ABLIM1: variants seen among roughly 807,000 people sequenced by gnomAD.
ABLIM1 encodes actin binding LIM protein 1.
ABLIM1 carries 40 observed loss-of-function variants against 107.0 expected under a neutral mutation model. The ratio of observed to expected loss-of-function variants is 0.37; its 90% CI spans 0.29 to 0.49. The LOEUF (loss-of-function observed/expected upper bound fraction) is 0.49, where lower values mean the gene tolerates loss of function less well. Among genes scored for constraint, ABLIM1 ranks in the 20% least tolerant of loss-of-function variants. The probability of loss-of-function intolerance (pLI) is 0.97; values close to 1 mark genes in which losing one functional copy is unlikely to be tolerated. For synonymous variants in ABLIM1, 357 were observed against 357.3 expected (o/e 1.00, Z 0.01); for missense variants, 857 against 1,008.5 (o/e 0.85, Z 2.04).
rs549588412 is a variant in ABLIM1, at chr10:114,700,737, GA to G, written c.-213+67323del. ...GGCTGGAACAATTATATATCCCTGT[GA>G]AAAAAAAAAATTAACCTCAACCCCT... On this transcript the variant is annotated intron_variant, in intron 1 of 15. Transcript: ENST00000651092. Among the ~76,000 whole-genome samples, 474 of 145,912 alleles carry G rather than the reference GA, an allele frequency of 3.2e-3. 1 individual carries two copies. Among genetic ancestry groups the G allele is most frequent in the African/African-American group, 0.011 (446 of 40,092 alleles).
chr10:114,700,198 C>T (rs73371872), intron 1 of ABLIM1, among the ~76,000 whole-genome samples: 4,636 of 152,134 alleles, frequency 0.03, 233 homozygotes, highest in African/African-American at 0.1. Context: ...AGGATGCATT[C>T]GAGCATTATG....
At chr10:114,744,593 C>T (rs541984014) in intron 1 of ABLIM1, among the ~76,000 whole-genome samples, 2 of 152,176 alleles carry the variant, frequency 1.3e-5, no homozygotes, top group South Asian at 4.1e-4. Context: ...CTGCAGTGAA[C>T]CATGTTCATG....
Position 114,447,890 on chromosome 10 carries a change from A to G in ABLIM1, c.1725T>C (p.Phe575=), listed in dbSNP as rs760272473. The G allele has an allele frequency of 2.5e-6, 4 of 1,614,014 alleles. No individual in the cohort carries two copies. The East Asian group carries it at 8.9e-5, about 36-fold the overall frequency. Residue 575 remains phenylalanine (F), a synonymous_variant, in exon 15 of 23, where the codon TTT becomes TTC. Transcript: ENST00000533213. The part of the protein sequence containing the change: ...ETDHWPGPPS[F]AVVGPDMKRR... ...GTGACAGTTGCATACCTACGACAGC[A>G]AATGAGGGGGGACCAGGCCAGTGGT...
rs117636460 is a variant in ABLIM1 at position 114,479,765 on chromosome 10, T to C, written c.1042-5809A>G. Among the ~76,000 whole-genome samples, 836 of 152,338 alleles carry C rather than the reference T, an allele frequency of 5.5e-3. 6 individuals carry two copies. Among genetic ancestry groups the C allele is most frequent in the Middle Eastern group, 0.01 (3 of 294 alleles). ...GGTCATAAAATTACTTTTTAAAAAT[T>C]GAATGATTATTTTTGGACTTTTAAT... On this transcript the variant is annotated intron_variant, in intron 8 of 22. Coordinates refer to ENST00000533213, the MANE Select transcript of ABLIM1 (RefSeq NM_002313.7).
intron 1 of ABLIM1, among the ~76,000 whole-genome samples, chr10:114,609,660 G>A (rs2076673301): frequency 6.6e-6 from 1 of 152,138 alleles, no homozygotes; most frequent in South Asian, 2.1e-4. Context: ...TTTGGATTAG[G>A]GAAAATAGGG....
rs188120708 is a variant in ABLIM1, at chr10:114,622,095, T to C, written c.245-20134A>G. 1.6e-3 allele frequency among the ~76,000 whole-genome samples: 242 copies of C among 152,308 alleles called. 1 individual carries two copies. Among genetic ancestry groups the C allele is most frequent in the African/African-American group, 5.5e-3 (227 of 41,576 alleles). On this transcript the variant is annotated intron_variant, in intron 1 of 22. Coordinates refer to ENST00000533213, the MANE Select transcript of ABLIM1 (RefSeq NM_002313.7). ...GTCCAGTAGACACCCACCTAGCTCA[T>C]GTGTCACTATGAGATGGTCCATGGA...
At chr10:114,528,763 C>T (rs555555073) in intron 6 of ABLIM1, among the ~76,000 whole-genome samples, 2 of 152,178 alleles carry the variant, frequency 1.3e-5, no homozygotes, top group Non-Finnish European at 2.9e-5. Flanking sequence ...GTGGTAAGAA[C>T]ACAACATGAG....
intron 2 of ABLIM1, among the ~76,000 whole-genome samples, chr10:114,594,582 T>G (rs1380728684): frequency 6.6e-6 from 1 of 152,100 alleles, no homozygotes; most frequent in African/African-American, 2.4e-5. Flanking sequence ...AAACCCCATC[T>G]CTACTAAAAA....
chr10:114,783,540 G>A, the ABLIM1 span, among the ~76,000 whole-genome samples: 9 of 152,138 alleles, frequency 5.9e-5, no homozygotes, highest in East Asian at 3.9e-4. Flanking sequence ...TGGAGCTAGC[G>A]CATGAAAGGA....
At chr10:114,628,204 T>G (rs1046024889) in intron 1 of ABLIM1, among the ~76,000 whole-genome samples, 2 of 152,090 alleles carry the variant, frequency 1.3e-5, no homozygotes, top group Non-Finnish European at 2.9e-5. Context: ...TAAAGAGAAC[T>G]GTGACCAAGG....
At chr10:114,474,041 C>T (rs2067091628) in intron 8 of ABLIM1, 85 bp from the exon 9 acceptor site, 4 of 996,686 alleles carry the variant, frequency 4.0e-6, no homozygotes, top group African/African-American at 3.3e-5. Flanking sequence ...TTACTAAAAA[C>T]TCAGCTAGTG....
At chr10:114,453,295 A>G in intron 13 of ABLIM1, 84 bp downstream of exon 13, 8 of 1,411,216 alleles carry the variant, frequency 5.7e-6, no homozygotes, top group Non-Finnish European at 8.0e-6. Flanking sequence ...TTAAAAGAGC[A>G]TGAGAGATGA....
At chr10:114,796,820 C>T in the ABLIM1 span, among the ~76,000 whole-genome samples, 1 of 152,170 alleles carries the variant, frequency 6.6e-6, no homozygotes, top group Non-Finnish European at 1.5e-5. Flanking sequence ...ACCTCCACCC[C>T]ACCTTGTTGC....
chr10:114,709,798 A>G (rs2081508171), intron 1 of ABLIM1, among the ~76,000 whole-genome samples: 1 of 152,200 alleles, frequency 6.6e-6, no homozygotes, highest in Admixed American at 6.5e-5. Context: ...ATTTTATGAT[A>G]TTTAGGAATT....
At chr10:114,578,881 G>A (rs1260130397) in intron 2 of ABLIM1, among the ~76,000 whole-genome samples, 1 of 145,100 alleles carries the variant, frequency 6.9e-6, no homozygotes, top group Admixed American at 6.9e-5. Context: ...CTGCCTCCTG[G>A]GTTCAAGCGA....
chr10:114,747,316 C>T (rs557785425), intron 1 of ABLIM1, among the ~76,000 whole-genome samples: 2 of 152,200 alleles, frequency 1.3e-5, no homozygotes, highest in African/African-American at 4.8e-5. Context: ...GCTCCACAGA[C>T]CACGGGGACA....
At chr10:114,514,817 G>T (rs1419387370) in intron 6 of ABLIM1, among the ~76,000 whole-genome samples, 1 of 152,178 alleles carries the variant, frequency 6.6e-6, no homozygotes, top group Non-Finnish European at 1.5e-5. Flanking sequence ...ACACTACTGT[G>T]ATTCTTTTTG....
intron 1 of ABLIM1, among the ~76,000 whole-genome samples, chr10:114,613,094 A>G (rs982565170): frequency 5.3e-5 from 8 of 152,190 alleles, no homozygotes; most frequent in African/African-American, 1.9e-4. Flanking sequence ...ACATACTCAG[A>G]ATCATTAAGT....
At chr10:114,793,663 G>A in the ABLIM1 span, among the ~76,000 whole-genome samples, 1 of 152,182 alleles carries the variant, frequency 6.6e-6, no homozygotes, top group Non-Finnish European at 1.5e-5. Context: ...CTAATGACTT[G>A]AGTGTGGCAG....
Sources: gnomAD v4.1 joint callset for allele counts (sites outside exome capture counted in the v4.1 genomes callset) on GRCh38, gnomAD v4.1.1 for gene constraint, MANE v1.5 for transcripts, NCBI Gene and HGNC (gene_info 2026-07-23, HGNC 2026-07-21) for gene names.